The following RNF32 variants were observed in gnomAD, a reference collection of about 807,000 sequenced individuals.
RNF32 encodes the protein ring finger protein 32.
In RNF32, 36 loss-of-function variants were observed where a neutral mutation model predicts 41.0. The ratio of observed to expected loss-of-function variants is 0.88; its 90% confidence interval spans 0.67 to 1.16. The LOEUF (loss-of-function observed/expected upper bound fraction) is 1.16, where lower values mean the gene tolerates loss of function less well. Among genes scored for constraint, RNF32 ranks in the 50% most tolerant of loss-of-function variants. The pLI is 0.00. For synonymous variants in RNF32, 154 were observed against 160.9 expected, an observed-to-expected ratio of 0.96 and a Z score of 0.32; for missense variants, 413 against 436.7, an observed-to-expected ratio of 0.95 and a Z score of 0.48.
rs755524606 is a variant in RNF32 at position 156,675,832 on chromosome 7, C to G, written c.821C>G (p.Thr274Arg). ...QLEEKCGHEITEEEWEKIQVQ... is the reference protein window; with the variant it reads ...QLEEKCGHEIREEEWEKIQVQ... ...GAAGAAAAATGTGGCCATGAGATCACAGAAGAGGAATGGGAGAAAATCCAA... is the reference window on the plus strand; with the variant it reads ...GAAGAAAAATGTGGCCATGAGATCAGAGAAGAGGAATGGGAGAAAATCCAA... The change falls in exon 8 of 9, where the codon ACA (threonine) becomes AGA (arginine). Residue 274 changes from threonine (T) to arginine (R), a missense_variant. By Grantham distance (71) the Thr-to-Arg change is moderately conservative. Coordinates refer to ENST00000317955, the MANE Select transcript of RNF32 (RefSeq NM_030936.4). 1 of 1,614,072 alleles carries G rather than the reference C, an allele frequency of 6.2e-7. No individual in the cohort carries two copies. Among genetic ancestry groups the G allele is most frequent in the East Asian group, 2.2e-5 (1 of 44,874 alleles).
At chr7:156,652,032 C>T (rs574141746) in intron 3 of RNF32, among the ~76,000 whole-genome samples, 34 of 152,172 alleles carry the variant, frequency 2.2e-4, no homozygotes, top group Non-Finnish European at 4.4e-4. Flanking sequence ...GTAGTGGCGA[C>T]GCTTCTCTGT....
At chr7:156,663,210 A>G (rs1293229833) in intron 7 of RNF32, among the ~76,000 whole-genome samples, 3 of 152,268 alleles carry the variant, frequency 2.0e-5, no homozygotes, top group Non-Finnish European at 4.4e-5. Context: ...CTATGTGTCA[A>G]ATACTAAAAA....
chr7:156,652,632 C>G (rs1798900417), intron 3 of RNF32, among the ~76,000 whole-genome samples: 1 of 152,016 alleles, frequency 6.6e-6, no homozygotes, highest in Non-Finnish European at 1.5e-5. Flanking sequence ...CTTGATGACT[C>G]TGACCCTGTG....
chr7:156,646,631 C>T, intron 3 of RNF32: 1 of 573,926 alleles, frequency 1.7e-6, no homozygotes, highest in Non-Finnish European at 2.7e-6. Context: ...GGGAGAACTT[C>T]CATTTAGATT....
chr7:156,661,510 A>G lies in RNF32; in HGVS notation c.684+2940A>G, dbSNP rs543575283. On this transcript the variant is annotated intron_variant, in intron 7 of 8. Coordinates refer to ENST00000317955, the MANE Select transcript of RNF32 (RefSeq NM_030936.4). ...AATTTTTGTATTTTTTAGTAGACAC[A>G]GGGATTCCCCATGTTGGCCAGGCAG... 3.3e-5 allele frequency among the ~76,000 whole-genome samples: 5 copies of G among 152,196 alleles called. No homozygotes were observed. The South Asian group carries it at 8.3e-4, about 25-fold the overall frequency.
intron 7 of RNF32, among the ~76,000 whole-genome samples, chr7:156,666,323 CT>C (rs1346062970): frequency 2.0e-5 from 3 of 152,150 alleles, no homozygotes; most frequent in Non-Finnish European, 4.4e-5. Flanking sequence ...TTAGTGAAGT[CT>C]TTTCTTTAGT....
chr7:156,654,783 C>A, intron 4 of RNF32, 65 bp downstream of exon 4: 1 of 1,469,528 alleles, frequency 6.8e-7, no homozygotes. Context: ...AGGCCCAGAG[C>A]TGGAGCCTAA....
At chr7:156,652,064 C>T (rs1356633367) in intron 3 of RNF32, among the ~76,000 whole-genome samples, 1 of 152,148 alleles carries the variant, frequency 6.6e-6, no homozygotes, top group Non-Finnish European at 1.5e-5. Flanking sequence ...TGGAGGAGTG[C>T]GGAGGAGACC....
intron 7 of RNF32, among the ~76,000 whole-genome samples, chr7:156,675,144 G>A (rs528683652): frequency 2.0e-5 from 3 of 152,158 alleles, no homozygotes; most frequent in Non-Finnish European, 2.9e-5. Context: ...CGACCCGAAG[G>A]GGCAGCGGAG....
intron 3 of RNF32, among the ~76,000 whole-genome samples, chr7:156,650,232 A>G (rs1226858097): frequency 1.3e-5 from 2 of 152,234 alleles, no homozygotes; most frequent in Non-Finnish European, 2.9e-5. Flanking sequence ...GTGCATGGAC[A>G]CAAGAGGGTG....
Position 156,658,347 on chromosome 7 carries a change from T to C in RNF32, c.575+95T>C, listed in dbSNP as rs564383317. The C allele has an allele frequency of 3.4e-5, 53 of 1,569,872 alleles. No individual in the cohort carries two copies. The African/African-American group carries it at 5.7e-4, about 17-fold the overall frequency. On this transcript the variant is annotated intron_variant, in intron 6 of 8. Coordinates refer to ENST00000317955, the MANE Select transcript of RNF32 (RefSeq NM_030936.4). ...AATAGTGGGATTTTATCTCTCTTCT[T>C]GGCCACCATAATTTCCCCAGGGCCT... is the stretch of plus-strand genomic sequence containing the variant.
At chr7:156,659,622 A>G (rs1800299900) in intron 7 of RNF32, 1 of 918,918 alleles carries the variant, frequency 1.1e-6, no homozygotes, top group African/African-American at 1.8e-5. Flanking sequence ...TTTACCTTAT[A>G]TATATAAATA....
chr7:156,640,975 C>T (rs1207081957), intron 1 of RNF32, 164 bp downstream of exon 1: 3 of 171,684 alleles, frequency 1.7e-5, no homozygotes, highest in Non-Finnish European at 3.7e-5. Flanking sequence ...CGTAGCGGCG[C>T]GCAGCCTCCT....
At chr7:156,667,408 CAA>C (rs1274740674) in intron 7 of RNF32, among the ~76,000 whole-genome samples, 1 of 152,184 alleles carries the variant, frequency 6.6e-6, no homozygotes, top group African/African-American at 2.4e-5. Flanking sequence ...ATCAATAACT[CAA>C]ACTCTTATTT....
intron 7 of RNF32, among the ~76,000 whole-genome samples, chr7:156,667,234 C>T (rs560187388): frequency 3.3e-5 from 5 of 152,224 alleles, no homozygotes; most frequent in Non-Finnish European, 7.4e-5. Context: ...CTTTTGAGGG[C>T]GGCCATAAGT....
chr7:156,647,863 G>A (rs886827226), intron 3 of RNF32, among the ~76,000 whole-genome samples: 16 of 152,138 alleles, frequency 1.1e-4, no homozygotes, highest in Non-Finnish European at 2.1e-4. Flanking sequence ...TGACTTTTTA[G>A]TAATGGTCAT....
intron 3 of RNF32, chr7:156,646,696 T>C (rs1798008418): frequency 2.8e-6 from 1 of 357,676 alleles, no homozygotes; most frequent in African/African-American, 2.1e-5. Context: ...GAAGACTTTT[T>C]CACAGCATCA....
chr7:156,645,413 A>G (rs1241246930), intron 3 of RNF32, among the ~76,000 whole-genome samples: 1 of 152,248 alleles, frequency 6.6e-6, no homozygotes, highest in Non-Finnish European at 1.5e-5. Context: ...TTTAATCATG[A>G]GGAAACCTCA....
intron 3 of RNF32, among the ~76,000 whole-genome samples, chr7:156,650,729 G>A (rs1798601704): frequency 6.6e-6 from 1 of 152,268 alleles, no homozygotes; most frequent in Non-Finnish European, 1.5e-5. Flanking sequence ...TGGTGCTGGG[G>A]GCCCTGTCTC....
Sources: allele counts gnomAD v4.1 joint callset (sites outside exome capture counted in the v4.1 genomes callset), GRCh38; gene constraint gnomAD v4.1.1; transcripts MANE v1.5; gene names NCBI Gene and HGNC (gene_info 2026-07-23, HGNC 2026-07-21).